Variants in PTPRM observed in about 807,000 individuals in gnomAD.
The protein encoded by PTPRM is protein tyrosine phosphatase receptor type M.
Under a neutral mutation model 186.7 loss-of-function variants are expected in PTPRM, and 47 were observed. The observed-to-expected ratio is 0.25, with a 90% CI of 0.20 to 0.32. PTPRM has a LOEUF of 0.32. PTPRM is among the 10% of genes least tolerant of loss of function. The probability of loss-of-function intolerance (pLI) is 1.00; values close to 1 mark genes in which losing one functional copy is unlikely to be tolerated. For missense variants in PTPRM, 1,494 were observed against 1,865.0 expected (o/e 0.80, Z 3.66); for synonymous variants, 668 against 674.9 (o/e 0.99, Z 0.16).
chr18:8,195,228 G>T (rs2093761155), intron 14 of PTPRM, among the ~76,000 whole-genome samples: 1 of 145,944 alleles, frequency 6.9e-6, no homozygotes, highest in South Asian at 2.1e-4. Context: ...GGACTTCATT[G>T]GCTACCTGTA....
chr18:7,630,678 T>C (rs998052991), intron 1 of PTPRM, among the ~76,000 whole-genome samples: 3 of 152,196 alleles, frequency 2.0e-5, no homozygotes, highest in African/African-American at 7.2e-5. Flanking sequence ...GTTTCATCTT[T>C]GTTATTTTAA....
At chr18:8,271,982 C>T (rs1225183924) in intron 19 of PTPRM, among the ~76,000 whole-genome samples, 2 of 152,016 alleles carry the variant, frequency 1.3e-5, no homozygotes, top group Admixed American at 1.3e-4. Context: ...GAGGCCGAGG[C>T]AGGCGGATCA....
At chr18:8,272,683 A>G (rs938349020) in intron 19 of PTPRM, among the ~76,000 whole-genome samples, 7 of 152,154 alleles carry the variant, frequency 4.6e-5, no homozygotes, top group Non-Finnish European at 4.4e-5. Flanking sequence ...ATTCATTGCA[A>G]TTTGTGAACA....
At chr18:8,340,709 T>A (rs1255067166) in intron 22 of PTPRM, among the ~76,000 whole-genome samples, 1 of 152,178 alleles carries the variant, frequency 6.6e-6, no homozygotes, top group Non-Finnish European at 1.5e-5. Context: ...ATCTTTGGTG[T>A]TTCACAGTTA....
chr18:7,675,686 G>T (rs544918293), intron 1 of PTPRM, among the ~76,000 whole-genome samples: 1 of 151,810 alleles, frequency 6.6e-6, no homozygotes, highest in Non-Finnish European at 1.5e-5. Context: ...ATTCGGCATC[G>T]TAGTAAACTT....
chr18:8,259,443 C>T (rs1399780749), intron 19 of PTPRM, among the ~76,000 whole-genome samples: 1 of 151,982 alleles, frequency 6.6e-6, no homozygotes, highest in African/African-American at 2.4e-5. Context: ...ACGTCTGTCT[C>T]CTTGTAGCTC....
intron 2 of PTPRM, among the ~76,000 whole-genome samples, chr18:7,782,766 G>A (rs2042919299): frequency 6.6e-6 from 1 of 152,178 alleles, no homozygotes; most frequent in South Asian, 2.1e-4. Flanking sequence ...AAAACTTTCA[G>A]AGATTAAAGC....
At chr18:7,640,057 G>A (rs377590693) in intron 1 of PTPRM, among the ~76,000 whole-genome samples, 4 of 152,156 alleles carry the variant, frequency 2.6e-5, no homozygotes, top group African/African-American at 9.7e-5. Context: ...GAGATGGTCT[G>A]TAATCAAAAA....
chr18:7,944,111 C>A (rs2052365582), intron 5 of PTPRM, among the ~76,000 whole-genome samples: 1 of 152,160 alleles, frequency 6.6e-6, no homozygotes, highest in African/African-American at 2.4e-5. Flanking sequence ...AGTAGAACCT[C>A]ATTTTTCTCT....
At chr18:8,004,562 A>G (rs539545089) in intron 7 of PTPRM, among the ~76,000 whole-genome samples, 16 of 152,120 alleles carry the variant, frequency 1.1e-4, no homozygotes, top group Non-Finnish European at 1.8e-4. Context: ...CCAGTAATTC[A>G]GTTCAGAAGA....
At chr18:8,148,972 T>A (rs2092944738) in intron 14 of PTPRM, among the ~76,000 whole-genome samples, 2 of 152,270 alleles carry the variant, frequency 1.3e-5, no homozygotes, top group Admixed American at 1.3e-4. Context: ...TGATTGAGTT[T>A]CTTAATCCTG....
intron 31 of PTPRM, among the ~76,000 whole-genome samples, chr18:8,392,418 A>G (rs897705219): frequency 4.6e-5 from 7 of 151,986 alleles, no homozygotes; most frequent in African/African-American, 1.2e-4. Flanking sequence ...AGGTCAGGAG[A>G]TTGAGACTAT....
intron 1 of PTPRM, 140 bp from the exon 2 acceptor site, chr18:7,774,009 C>T: frequency 2.5e-6 from 2 of 789,666 alleles, no homozygotes; most frequent in East Asian, 2.7e-5. Context: ...GTTGGATGCA[C>T]AGCTCCTGAG....
intron 2 of PTPRM, among the ~76,000 whole-genome samples, chr18:7,811,264 A>G (rs976809586): frequency 2.0e-5 from 3 of 152,212 alleles, no homozygotes; most frequent in Admixed American, 2.0e-4. Flanking sequence ...TTTCTGTGAT[A>G]TCCTGTCCCC....
At position 7,575,328 on chromosome 18, in the gene PTPRM, G is replaced by A. The variant is rs141222834; in HGVS notation, c.73+7437G>A. 8.5e-5 allele frequency among the ~76,000 whole-genome samples: 13 copies of A among 152,268 alleles called. 1 individual carries two copies. The Middle Eastern group carries it at 0.017, about 199-fold the overall frequency. On this transcript the variant is annotated intron_variant, in intron 1 of 32. Transcript: ENST00000580170. ...TGTAGCTGCGTCCCTTAACCCCCCT[G>A]CCTGAGCCAAGCAAGGTCCAGCCCC...
chr18:7,742,724 GA>G (rs1354951870), intron 1 of PTPRM, among the ~76,000 whole-genome samples: 2 of 152,058 alleles, frequency 1.3e-5, no homozygotes, highest in Non-Finnish European at 2.9e-5. Flanking sequence ...GTTTGAAGGA[GA>G]TTCTGTAATT....
intron 4 of PTPRM, among the ~76,000 whole-genome samples, chr18:7,916,146 T>G (rs1287832503): frequency 6.6e-6 from 1 of 152,136 alleles, no homozygotes; most frequent in Non-Finnish European, 1.5e-5. Context: ...CTATGGTGAA[T>G]AATGTACACA....
chr18:7,573,251 AAC>A (rs2036605354), intron 1 of PTPRM, among the ~76,000 whole-genome samples: 3 of 152,172 alleles, frequency 2.0e-5, no homozygotes, highest in South Asian at 4.1e-4. Context: ...ATGAAGGAGA[AAC>A]ACATGGAAAG....
intron 7 of PTPRM, among the ~76,000 whole-genome samples, chr18:7,985,883 T>C (rs1424607365): frequency 6.6e-6 from 1 of 152,084 alleles, no homozygotes; most frequent in Non-Finnish European, 1.5e-5. Flanking sequence ...CTTTAAGTAG[T>C]GTCCAGGGGA....
Sources: allele counts gnomAD v4.1 joint callset (sites outside exome capture counted in the v4.1 genomes callset), GRCh38; gene constraint gnomAD v4.1.1; transcripts MANE v1.5; gene names NCBI Gene and HGNC (gene_info 2026-07-23, HGNC 2026-07-21).